Variants in DMRT1 observed in about 807,000 individuals in gnomAD.
DMRT1 encodes the protein doublesex- and mab-3-related transcription factor 1.
DMRT1 carries 7 observed loss-of-function variants against 32.3 expected under a neutral mutation model. The ratio of observed to expected loss-of-function variants is 0.22; its 90% CI spans 0.12 to 0.41. The LOEUF (loss-of-function observed/expected upper bound fraction) is 0.41. DMRT1 is among the 10% of genes least tolerant of loss of function. DMRT1 has a pLI of 1.00. For synonymous variants in DMRT1, 278 were observed against 206.1 expected, an observed-to-expected ratio of 1.35 and a Z score of -2.99; for missense variants, 625 against 500.5, an observed-to-expected ratio of 1.25 and a Z score of -2.37.
At chr9:922,906 AC>A (rs536879199) in intron 4 of DMRT1, among the ~76,000 whole-genome samples, 254 of 152,296 alleles carry the variant, frequency 1.7e-3, no homozygotes, top group African/African-American at 5.9e-3. Context: ...TCAGATGGCC[AC>A]CGTCAGTGAT....
chr9:843,520 G>C (rs533221151), intron 1 of DMRT1, among the ~76,000 whole-genome samples: 12 of 152,234 alleles, frequency 7.9e-5, no homozygotes, highest in Non-Finnish European at 1.2e-4. Context: ...GCCAGGGTTT[G>C]AGATTTGGTC....
chr9:844,947 C>T (rs4740932), intron 1 of DMRT1, among the ~76,000 whole-genome samples: 2 of 151,866 alleles, frequency 1.3e-5, no homozygotes, highest in Admixed American at 6.6e-5. Flanking sequence ...GTCTCAAACT[C>T]CTGACCTCAG....
At chr9:846,715 G>C (rs1199593015) in intron 1 of DMRT1, among the ~76,000 whole-genome samples, 1 of 152,178 alleles carries the variant, frequency 6.6e-6, no homozygotes, top group Non-Finnish European at 1.5e-5. Context: ...TGAGTAGCTG[G>C]GATTCCAGGT....
intron 2 of DMRT1, among the ~76,000 whole-genome samples, chr9:869,138 T>C (rs1009138210): frequency 6.6e-6 from 1 of 152,216 alleles, no homozygotes; most frequent in African/African-American, 2.4e-5. Flanking sequence ...GAAGTTGACA[T>C]CCAAAGGACC....
chr9:907,032 T>C (rs1036631670), intron 3 of DMRT1, among the ~76,000 whole-genome samples: 1 of 152,208 alleles, frequency 6.6e-6, no homozygotes, highest in Non-Finnish European at 1.5e-5. Context: ...CTCTGAAATT[T>C]GGTTAATCTT....
At chr9:915,524 C>T (rs566822831) in intron 3 of DMRT1, among the ~76,000 whole-genome samples, 183 of 152,034 alleles carry the variant, frequency 1.2e-3, no homozygotes, top group African/African-American at 4.3e-3. Context: ...GCTTGTGCCT[C>T]CTTACTGCCT....
intron 2 of DMRT1, among the ~76,000 whole-genome samples, chr9:871,452 C>T (rs571216183): frequency 6.6e-6 from 1 of 151,754 alleles, no homozygotes; most frequent in East Asian, 1.9e-4. Context: ...CCTGCCTCAG[C>T]CTCCAGAGTA....
chr9:864,516 T>TTTG (rs3084856), intron 2 of DMRT1, among the ~76,000 whole-genome samples: 1 of 137,986 alleles, frequency 7.2e-6, no homozygotes, highest in South Asian at 2.4e-4. Context: ...TTTTTTTTTT[T>TTTG]GAGACGGAGT....
At chr9:960,080 G>C (rs1819722923) in intron 4 of DMRT1, among the ~76,000 whole-genome samples, 1 of 152,160 alleles carries the variant, frequency 6.6e-6, no homozygotes, top group African/African-American at 2.4e-5. Flanking sequence ...GCCTCCAGGT[G>C]GTTCTCCTGG....
intron 1 of DMRT1, among the ~76,000 whole-genome samples, chr9:844,098 G>C (rs10976978): frequency 0.045 from 6,814 of 152,056 alleles, 430 homozygotes; most frequent in African/African-American, 0.15. Flanking sequence ...TCAAAATGTA[G>C]TAAAAATATT....
At chr9:874,991 T>A (rs1418612876) in intron 2 of DMRT1, among the ~76,000 whole-genome samples, 4 of 151,580 alleles carry the variant, frequency 2.6e-5, no homozygotes. Flanking sequence ...GTATTTTTTT[T>A]AGTAGAGACG....
At chr9:947,375 G>C (rs279906) in intron 4 of DMRT1, among the ~76,000 whole-genome samples, 49 of 152,246 alleles carry the variant, frequency 3.2e-4, no homozygotes, top group African/African-American at 1.1e-3. Flanking sequence ...TGAACACCCA[G>C]GCCTAGTCCA....
intron 3 of DMRT1, among the ~76,000 whole-genome samples, chr9:907,315 G>A (rs1817810936): frequency 6.6e-6 from 1 of 152,106 alleles, no homozygotes; most frequent in African/African-American, 2.4e-5. Flanking sequence ...TGGTATACAT[G>A]GGTTCAGTTG....
chr9:924,148 T>C (rs1818447313), intron 4 of DMRT1, among the ~76,000 whole-genome samples: 1 of 151,238 alleles, frequency 6.6e-6, no homozygotes, highest in Non-Finnish European at 1.5e-5. Flanking sequence ...CTCGGCTGAC[T>C]GCAACCTCTG....
chr9:871,427 G>T (rs917984497), intron 2 of DMRT1, among the ~76,000 whole-genome samples: 4 of 150,982 alleles, frequency 2.6e-5, no homozygotes, highest in African/African-American at 4.9e-5. Context: ...CCGCGTCCCG[G>T]GTTCACGCCA....
intron 4 of DMRT1, among the ~76,000 whole-genome samples, chr9:945,698 CTG>C (rs906458462): frequency 6.8e-6 from 1 of 147,612 alleles, no homozygotes; most frequent in African/African-American, 2.5e-5. Context: ...TTTTTATTCT[CTG>C]TAGTTCCTGA....
chr9:873,901 C>T (rs374106813), intron 2 of DMRT1, among the ~76,000 whole-genome samples: 1 of 152,136 alleles, frequency 6.6e-6, no homozygotes, highest in African/African-American at 2.4e-5. Flanking sequence ...AGTACTCCCC[C>T]CAAAATTCAA....
intron 2 of DMRT1, among the ~76,000 whole-genome samples, chr9:855,201 A>G (rs1197208864): frequency 6.6e-6 from 1 of 152,170 alleles, no homozygotes; most frequent in Non-Finnish European, 1.5e-5. Flanking sequence ...GTATTTTAAT[A>G]AAGCAATTAT....
intron 3 of DMRT1, among the ~76,000 whole-genome samples, chr9:901,652 A>G (rs1318247480): frequency 6.6e-6 from 1 of 151,320 alleles, no homozygotes; most frequent in African/African-American, 2.4e-5. Flanking sequence ...AAGACATAGT[A>G]GGAGACTTCA....
Sources: allele counts gnomAD v4.1 joint callset (sites outside exome capture counted in the v4.1 genomes callset), GRCh38; gene constraint gnomAD v4.1.1; transcripts MANE v1.5; gene names NCBI Gene and HGNC (gene_info 2026-07-23, HGNC 2026-07-21).